The following RPLP0 variants were observed in gnomAD, a reference collection of about 807,000 sequenced individuals.
RPLP0 encodes the protein large ribosomal subunit protein uL10.
For missense variants in RPLP0, 276 were observed against 402.9 expected, an observed-to-expected ratio of 0.69 and a Z score of 2.70; for synonymous variants, 137 against 153.4, an observed-to-expected ratio of 0.89 and a Z score of 0.79.
intron 7 of RPLP0, 45 bp from the exon 8 acceptor site, chr12:120,196,979 C>T (rs1355528224): frequency 6.2e-7 from 1 of 1,608,356 alleles, no homozygotes; most frequent in African/African-American, 1.3e-5. Flanking sequence ...CCACACTCCT[C>T]TATTACCCAC....
rs1470180297 is a variant in RPLP0, at chr12:120,199,101, C to G, written c.318+17G>C. On this transcript the variant is annotated intron_variant, in intron 4 of 7. Coordinates refer to ENST00000392514, the MANE Select transcript of RPLP0 (RefSeq NM_001002.4). ...GCAACAACAAAGTCTCTTTAGCCAACCCAATTGTCCCCTTACCTTATTGGC... is the reference window on the plus strand; with the variant it reads ...GCAACAACAAAGTCTCTTTAGCCAAGCCAATTGTCCCCTTACCTTATTGGC... 1.9e-6 allele frequency: 3 copies of G among 1,611,352 alleles called. No homozygotes were observed. Among genetic ancestry groups the G allele is most frequent in the Non-Finnish European group, 2.5e-6 (3 of 1,177,448 alleles).
chr12:120,196,962 T>C (rs1248709672), intron 7 of RPLP0, 28 bp from the exon 8 acceptor site: 2 of 1,612,444 alleles, frequency 1.2e-6, no homozygotes, highest in Non-Finnish European at 8.5e-7. Context: ...GTGGTCAAAA[T>C]GGTCATCCAC....
chr12:120,199,540 T>C, intron 2 of RPLP0, 55 bp from the exon 3 acceptor site: 1 of 1,554,106 alleles, frequency 6.4e-7, no homozygotes, highest in Non-Finnish European at 8.7e-7. Context: ...AGGGAAAAAA[T>C]GCCAGAAGAA....
intron 7 of RPLP0, 170 bp downstream of exon 7, chr12:120,197,152 T>C (rs968318738): frequency 8.8e-6 from 9 of 1,024,664 alleles, no homozygotes; most frequent in Non-Finnish European, 1.3e-5. Context: ...GGGTCTCTTG[T>C]CATTTCTCAA....
intron 2 of RPLP0, chr12:120,199,730 TA>T (rs1453274033): frequency 6.3e-6 from 3 of 475,568 alleles, no homozygotes; most frequent in Non-Finnish European, 1.1e-5. Context: ...ACTTAGTTTT[TA>T]ATTTTTCCCA....
intron 7 of RPLP0, 59 bp from the exon 8 acceptor site, chr12:120,196,993 C>T (rs1018302750): frequency 1.2e-6 from 2 of 1,603,868 alleles, no homozygotes; most frequent in East Asian, 2.2e-5. Flanking sequence ...TACCCACCAC[C>T]CTCCTGCCTT....
In RPLP0 at chr12:120,201,108, A is replaced by C; in HGVS notation, c.-74T>G. 1 of 338,906 alleles carries C rather than the reference A, an allele frequency of 3.0e-6. No homozygotes were observed. Among genetic ancestry groups the C allele is most frequent in the African/African-American group, 2.1e-5 (1 of 47,374 alleles). The allele number at this position is 338,906 out of a possible 1,614,324, so 21.0% of individuals were successfully genotyped here. ...CTTCCACGAGGACGCCTGGCGAGAG[A>C]AGGGCCTCGCGCCCGCGCGTGCCTT... On this transcript the variant is annotated 5_prime_UTR_variant, in exon 1 of 8. Transcript: ENST00000392514.
At chr12:120,200,436 C>G (rs1879390352) in intron 2 of RPLP0, 13 of 372,852 alleles carry the variant, frequency 3.5e-5, no homozygotes, top group South Asian at 3.4e-4. Context: ...GCACTCCAGC[C>G]TGGACAACAG....
chr12:120,199,625 A>G, intron 2 of RPLP0, 140 bp from the exon 3 acceptor site: 1 of 791,106 alleles, frequency 1.3e-6, no homozygotes, highest in East Asian at 2.7e-5. Flanking sequence ...ATTGGGAGCT[A>G]CGTTGTAACA....
At position 120,199,122 on chromosome 12, in the gene RPLP0, T is replaced by C. The variant is rs377364663; in HGVS notation, c.314A>G (p.Asn105Ser). ...LTEIRDMLLA[N>S]KVPAAARAGA... ...CCAACCCAATTGTCCCCTTACCTTA[T>C]TGGCCAGCAACATGTCCCTGATCTC... is the stretch of plus-strand genomic sequence containing the variant. The change falls in exon 4 of 8, where the codon AAT becomes AGT. Residue 105 changes from asparagine (N) to serine (S), a missense_variant. Coordinates refer to ENST00000392514, the MANE Select transcript of RPLP0 (RefSeq NM_001002.4). 3.1e-6 allele frequency: 5 copies of C among 1,613,292 alleles called. No individual in the cohort carries two copies. The highest frequency in any genetic ancestry group is 2.7e-5 in the African/African-American group (2 of 74,910).
intron 6 of RPLP0, chr12:120,197,673 T>C (rs1373991106): frequency 3.5e-6 from 2 of 571,738 alleles, no homozygotes; most frequent in South Asian, 2.2e-5. Context: ...CCAGGTCTTC[T>C]GTATCCATTG....
chr12:120,199,608 G>A, intron 2 of RPLP0, 123 bp from the exon 3 acceptor site: 3 of 1,024,372 alleles, frequency 2.9e-6, no homozygotes, highest in Middle Eastern at 2.1e-4. Context: ...TTTGAAGTCA[G>A]AGGGAGATTG....
In RPLP0 at chr12:120,200,711, C is replaced by T; in HGVS notation, c.54+19G>A. The T allele has an allele frequency of 6.2e-7, 1 of 1,605,576 alleles. No individual in the cohort carries two copies. Among genetic ancestry groups the T allele is most frequent in the Non-Finnish European group, 8.5e-7 (1 of 1,176,026 alleles). On this transcript the variant is annotated intron_variant, in intron 2 of 7. Coordinates refer to ENST00000392514, the MANE Select transcript of RPLP0 (RefSeq NM_001002.4). ...GCTGGGGCAACATGAAGAGCAGAGGCGACCCACCCTGCACTTACGATGATC... is the reference window on the plus strand; with the variant it reads ...GCTGGGGCAACATGAAGAGCAGAGGTGACCCACCCTGCACTTACGATGATC...
At chr12:120,197,664 C>T (rs1879234136) in intron 6 of RPLP0, 1 of 602,790 alleles carries the variant, frequency 1.7e-6, no homozygotes, top group Non-Finnish European at 2.9e-6. Context: ...ATTCCAAATC[C>T]AGGTCTTCTG....
intron 7 of RPLP0, 116 bp from the exon 8 acceptor site, chr12:120,197,050 C>G: frequency 1.3e-6 from 2 of 1,540,650 alleles, no homozygotes; most frequent in South Asian, 1.2e-5. Flanking sequence ...TGAAGCCTTT[C>G]CTGTCAGAAG....
intron 1 of RPLP0, 38 bp downstream of exon 1, chr12:120,201,045 C>T: frequency 2.2e-6 from 1 of 461,316 alleles, no homozygotes; most frequent in Non-Finnish European, 3.8e-6. Context: ...ATGCTTCCCG[C>T]CGGCGACCCC....
chr12:120,196,925 A>G lies in RPLP0; in HGVS notation c.802T>C (p.Phe268Leu), dbSNP rs757119523. Reference protein sequence around the residue: ...TFPLAEKVKAFLADPSAFVAA... With the variant: ...TFPLAEKVKALLADPSAFVAA... ...ACAAAGGCAGATGGATCAGCCAAGA[A>G]GGCCTTGACCTGAAAGGAGGGGGGA... The change falls in exon 8 of 8, where the codon TTC becomes CTC. Residue 268 changes from phenylalanine to leucine, a missense_variant. Physicochemically the swap from Phe to Leu is conservative, Grantham distance 22. Transcript: ENST00000392514. 1 of 1,613,348 alleles carries G rather than the reference A, an allele frequency of 6.2e-7. No homozygotes were observed. The highest frequency in any genetic ancestry group is 2.2e-5 in the East Asian group (1 of 44,884).
intron 6 of RPLP0, 48 bp from the exon 7 acceptor site, chr12:120,197,510 GA>G (rs1594297738): frequency 6.6e-7 from 1 of 1,513,600 alleles, no homozygotes; most frequent in Non-Finnish European, 9.1e-7. Flanking sequence ...TACAGGAAAG[GA>G]AGTCCAAGTA....
Position 120,196,814 on chromosome 12 carries a change from C to G in RPLP0, c.913G>C (p.Glu305Gln). 2.5e-6 allele frequency: 4 copies of G among 1,599,924 alleles called. No individual in the cohort carries two copies. The highest frequency in any genetic ancestry group is 3.4e-6 in the Non-Finnish European group (4 of 1,169,944). The change falls in exon 8 of 8, where the codon GAG (glutamate) becomes CAG (glutamine). Residue 305 changes from glutamate (E) to glutamine (Q), a missense_variant. Coordinates refer to ENST00000392514, the MANE Select transcript of RPLP0 (RefSeq NM_001002.4). ...PAKVEAKEES[E>Q]ESDEDMGFGL... is the part of the protein sequence containing the mutation. ...AATCCCATATCCTCGTCCGACTCCT[C>G]CGACTCTTCCTTGGCTTCAACCTTA...
Sources: allele counts gnomAD v4.1 joint callset, GRCh38; gene constraint gnomAD v4.1.1; transcripts MANE v1.5; gene names NCBI Gene and HGNC (gene_info 2026-07-23, HGNC 2026-07-21).